The following HOOK1 variants were observed in gnomAD, a reference collection of about 807,000 sequenced individuals.
HOOK1 encodes hook microtubule tethering protein 1, also known as protein Hook homolog 1.
A neutral mutation model predicts 112.8 loss-of-function variants in HOOK1; 60 were observed. That is an observed-to-expected ratio of 0.53 (90% CI 0.43 to 0.66). The LOEUF (loss-of-function observed/expected upper bound fraction) is 0.66. HOOK1 is among the 30% of genes least tolerant of loss of function. The pLI is 0.00. For missense variants in HOOK1, 770 were observed against 856.0 expected (o/e 0.90, Z 1.25); for synonymous variants, 294 against 283.8 (o/e 1.04, Z -0.36).
intron 16 of HOOK1, 27 bp downstream of exon 16, chr1:59,862,904 T>C: frequency 7.6e-7 from 1 of 1,313,304 alleles, no homozygotes; most frequent in Non-Finnish European, 1.1e-6. Context: ...TTATAATAAT[T>C]CTGCTGTGTA....
chr1:59,860,410 T>C, intron 15 of HOOK1, 82 bp downstream of exon 15: 1 of 1,226,650 alleles, frequency 8.2e-7, no homozygotes. Context: ...ATGGAAAATA[T>C]TATTGTAGCT....
chr1:59,871,935 T>C lies in HOOK1; in HGVS notation c.2016+825T>C, dbSNP rs78475418. 0.011 allele frequency among the ~76,000 whole-genome samples: 1,664 copies of C among 152,310 alleles called. 59 individuals carry two copies. In the East Asian group the frequency reaches 0.12, roughly 11 times the overall value. ...GCTTAAAGGGCCCTGAAGGAAATTA[T>C]GTGTGAGGTATTCTCAGAACTTTCT... is the stretch of plus-strand genomic sequence containing the variant. On this transcript the variant is annotated intron_variant, in intron 21 of 21. Coordinates refer to ENST00000371208, the MANE Select transcript of HOOK1 (RefSeq NM_015888.6).
Position 59,872,779 on chromosome 1 carries a change from T to C in HOOK1, c.2017-16T>C. The C allele has an allele frequency of 2.2e-6, 3 of 1,373,970 alleles. No homozygotes were observed. Among genetic ancestry groups the C allele is most frequent in the Non-Finnish European group, 1.9e-6 (2 of 1,045,366 alleles). 85.1% of individuals were successfully genotyped at this position (1,373,970 alleles called of 1,614,324 possible). A position where few individuals can be genotyped will look rare whatever the true frequency, so the allele number is the denominator to read the frequency against. ...TTAGTCATGTTAAATAAAAAATATA[T>C]GTTTTTTTTTTTCAGAGTCTAGCAT... On this transcript the variant is annotated splice_polypyrimidine_tract_variant and intron_variant, in intron 21 of 21. Coordinates refer to ENST00000371208, the MANE Select transcript of HOOK1 (RefSeq NM_015888.6).
In HOOK1 at chr1:59,876,149, TAA is replaced by T. The variant is rs1385153602; in HGVS notation, c.*3187_*3188del. 6.6e-6 allele frequency: 1 copy of T among 152,640 alleles called. No homozygotes were observed. The highest frequency in any genetic ancestry group is 1.5e-5 in the Non-Finnish European group (1 of 68,034). The allele number at this position is 152,640 out of a possible 1,614,324, so 9.5% of individuals were successfully genotyped here. A position where few individuals can be genotyped will look rare whatever the true frequency, so the allele number is the denominator to read the frequency against. On this transcript the variant is annotated 3_prime_UTR_variant, in exon 22 of 22. Coordinates refer to ENST00000371208, the MANE Select transcript of HOOK1 (RefSeq NM_015888.6). ...TTGGAAATTTGTAAAGCACAAACCA[TAA>T]AAGAGTGTGGAGTTATTAAATGATG...
chr1:59,849,814 G>A (rs1314688020), intron 12 of HOOK1, among the ~76,000 whole-genome samples: 1 of 151,540 alleles, frequency 6.6e-6, no homozygotes, highest in Non-Finnish European at 1.5e-5. Flanking sequence ...TTTTATTGCC[G>A]AATAATGCCC....
intron 1 of HOOK1, among the ~76,000 whole-genome samples, chr1:59,819,970 G>C (rs1158088743): frequency 6.6e-6 from 1 of 152,014 alleles, no homozygotes; most frequent in Non-Finnish European, 1.5e-5. Context: ...TTTGTCATCA[G>C]AGCCATTGCA....
chr1:59,840,855 A>G (rs533728229), intron 8 of HOOK1, among the ~76,000 whole-genome samples: 3 of 152,246 alleles, frequency 2.0e-5, no homozygotes, highest in Admixed American at 6.6e-5. Flanking sequence ...AAACGTGTGT[A>G]TATAATCTTG....
intron 16 of HOOK1, among the ~76,000 whole-genome samples, chr1:59,864,204 A>T (rs1643916251): frequency 6.6e-6 from 1 of 151,886 alleles, no homozygotes; most frequent in South Asian, 2.1e-4. Flanking sequence ...TTTATTATAA[A>T]GATAATTATT....
chr1:59,856,106 T>G (rs1309069607), intron 12 of HOOK1, among the ~76,000 whole-genome samples: 2 of 143,054 alleles, frequency 1.4e-5, no homozygotes, highest in African/African-American at 5.3e-5. Context: ...TTGTTTGTTT[T>G]GCTTTGCTTT....
intron 12 of HOOK1, among the ~76,000 whole-genome samples, chr1:59,854,673 C>T (rs1018906808): frequency 6.6e-6 from 1 of 152,084 alleles, no homozygotes; most frequent in African/African-American, 2.4e-5. Context: ...TATTAAGGCT[C>T]CTTTTAAGTG....
chr1:59,862,948 TAATC>T (rs2098414391), intron 16 of HOOK1, 71 bp downstream of exon 16: 3 of 840,716 alleles, frequency 3.6e-6, no homozygotes, highest in Non-Finnish European at 4.1e-6. Flanking sequence ...ATGTCCAAAT[TAATC>T]TTGTATTGGA....
At position 59,864,662 on chromosome 1, in the gene HOOK1, CAT is replaced by C; in HGVS notation, c.1660_1661del (p.Met554GlyfsTer8). On this transcript the variant is annotated frameshift_variant and splice_region_variant, in exon 17 of 22. Transcript: ENST00000371208. LOFTEE classifies it high-confidence loss of function. ...SSKLKQKLEA[H>X]MEKLTEVHEE... Reference sequence around the variant, plus strand: ...CAAATTAAAGCAGAAGTTGGAAGCTCATATGTAAGTAAAACTGATATTTCTTT... The same window carrying C: ...CAAATTAAAGCAGAAGTTGGAAGCTCATGTAAGTAAAACTGATATTTCTTT... 2.6e-6 allele frequency: 4 copies of C among 1,534,892 alleles called. No individual in the cohort carries two copies. Among genetic ancestry groups the C allele is most frequent in the Non-Finnish European group, 3.6e-6 (4 of 1,114,518 alleles).
At chr1:59,860,694 C>T (rs2098413108) in intron 15 of HOOK1, among the ~76,000 whole-genome samples, 1 of 151,992 alleles carries the variant, frequency 6.6e-6, no homozygotes, top group Admixed American at 6.6e-5. Flanking sequence ...AAGTGATTCT[C>T]ATGCCTCGGC....
chr1:59,824,441 C>T (rs2098388363), intron 2 of HOOK1, among the ~76,000 whole-genome samples: 2 of 152,132 alleles, frequency 1.3e-5, no homozygotes, highest in South Asian at 4.1e-4. Context: ...CTCCTGACCT[C>T]ATGATCCGCC....
At chr1:59,817,877 A>G (rs2098382781) in intron 1 of HOOK1, among the ~76,000 whole-genome samples, 1 of 152,334 alleles carries the variant, frequency 6.6e-6, no homozygotes, top group South Asian at 2.1e-4. Context: ...TTTTGGGATC[A>G]GAGCTCTTAC....
intron 12 of HOOK1, among the ~76,000 whole-genome samples, chr1:59,854,578 T>A (rs1160782930): frequency 6.6e-6 from 1 of 152,074 alleles, no homozygotes; most frequent in Admixed American, 6.6e-5. Context: ...AAAATTCTTG[T>A]TTGACAGTCT....
At chr1:59,866,339 G>A (rs1195847029) in intron 19 of HOOK1, among the ~76,000 whole-genome samples, 1 of 152,116 alleles carries the variant, frequency 6.6e-6, no homozygotes, top group African/African-American at 2.4e-5. Context: ...ACAGCAAAAT[G>A]GATATTTTAT....
chr1:59,849,043 G>C, intron 11 of HOOK1, 30 bp from the exon 12 acceptor site: 1 of 1,394,928 alleles, frequency 7.2e-7, no homozygotes, highest in Non-Finnish European at 1.0e-6. Context: ...TACTTTTAAG[G>C]ACCTTTTTTC....
At chr1:59,868,687 C>A (rs569564030) in intron 20 of HOOK1, among the ~76,000 whole-genome samples, 1 of 152,216 alleles carries the variant, frequency 6.6e-6, no homozygotes, top group East Asian at 1.9e-4. Context: ...ATAAACCTGA[C>A]CTTTACCGTT....
Sources: gnomAD v4.1 joint callset for allele counts (sites outside exome capture counted in the v4.1 genomes callset) on GRCh38, gnomAD v4.1.1 for gene constraint, MANE v1.5 for transcripts, NCBI Gene and HGNC (gene_info 2026-07-23, HGNC 2026-07-21) for gene names.